Variants in GDE1 observed in about 807,000 individuals in gnomAD.
GDE1 encodes the protein glycerophosphodiester phosphodiesterase 1, also known as RGS16-interacting membrane protein.
A neutral mutation model predicts 32.2 loss-of-function variants in GDE1; 24 were observed. The ratio of observed to expected loss-of-function variants is 0.75; its 90% CI spans 0.54 to 1.05. The LOEUF (loss-of-function observed/expected upper bound fraction) is 1.05, where lower values mean the gene tolerates loss of function less well. Among genes scored for constraint, GDE1 ranks in the 50% least tolerant of loss-of-function variants. The pLI is 0.00. For synonymous variants in GDE1, 159 were observed against 158.6 expected (o/e 1.00, Z -0.02); for missense variants, 380 against 415.0 (o/e 0.92, Z 0.73).
At chr16:19,504,661 T>C (rs952660606) in intron 5 of GDE1, 15 of 491,016 alleles carry the variant, frequency 3.1e-5, no homozygotes, top group South Asian at 2.1e-4. Context: ...TTCTTCAAAA[T>C]ACACTAAAAA....
In GDE1 at chr16:19,503,456, C is replaced by A. The variant is rs778448691; in HGVS notation, c.*14G>T. ...CTGGCAGTTTCTGAACCCGTTTCGT[C>A]CCACCGTGAAAGTCTAGAAGTGAGG... On this transcript the variant is annotated 3_prime_UTR_variant, in exon 6 of 6. Transcript: ENST00000353258. 4.3e-6 allele frequency: 7 copies of A among 1,612,020 alleles called. No individual in the cohort carries two copies. In the South Asian group the frequency reaches 6.6e-5, roughly 15 times the overall value.
intron 4 of GDE1, among the ~76,000 whole-genome samples, chr16:19,506,348 G>T (rs1351473733): frequency 1.3e-5 from 2 of 152,042 alleles, no homozygotes; most frequent in East Asian, 3.9e-4. Flanking sequence ...GACAGAACCT[G>T]CAAGTTTTAA....
Position 19,504,955 on chromosome 16 carries a change from A to G in GDE1, c.774T>C (p.Asp258=). The change falls in exon 5 of 6, where the codon GAT becomes GAC. Residue 258 remains aspartate, a synonymous_variant. Coordinates refer to ENST00000353258, the MANE Select transcript of GDE1 (RefSeq NM_016641.4). The part of the protein sequence containing the change: ...FIFVMMDILL[D]WSMHNILWYL... ...ACCACAAGATATTATGCATGCTCCA[A>G]TCGAGCAAAATGTCCATCATAACAA... 5 of 1,613,338 alleles carry G rather than the reference A, an allele frequency of 3.1e-6. No individual in the cohort carries two copies. The highest frequency in any genetic ancestry group is 1.1e-5 in the South Asian group (1 of 91,056).
chr16:19,505,478 G>C (rs960956855), intron 4 of GDE1, among the ~76,000 whole-genome samples: 5 of 152,094 alleles, frequency 3.3e-5, no homozygotes, highest in African/African-American at 1.2e-4. Flanking sequence ...GTTCAAGATG[G>C]GCTGTTTAGT....
At chr16:19,503,673 C>A in intron 5 of GDE1, 56 bp from the exon 6 acceptor site, 1 of 1,427,140 alleles carries the variant, frequency 7.0e-7, no homozygotes, top group Non-Finnish European at 9.8e-7. Flanking sequence ...TCTCAGGAAT[C>A]CATAATGGCC....
At chr16:19,510,229 T>C (rs937261574) in intron 3 of GDE1, among the ~76,000 whole-genome samples, 1 of 152,124 alleles carries the variant, frequency 6.6e-6, no homozygotes, top group African/African-American at 2.4e-5. Context: ...TTAAGCAAAA[T>C]TTTATCTAGG....
At chr16:19,517,889 C>CT (rs564282570) in intron 1 of GDE1, among the ~76,000 whole-genome samples, 9,641 of 141,024 alleles carry the variant, frequency 0.068, 342 homozygotes, top group East Asian at 0.14. Context: ...AGATTTCTTT[C>CT]TTTTTTTTTT....
intron 2 of GDE1, among the ~76,000 whole-genome samples, chr16:19,514,285 T>G (rs988128828): frequency 6.6e-6 from 1 of 152,138 alleles, no homozygotes; most frequent in Non-Finnish European, 1.5e-5. Flanking sequence ...GGGTGAGGTA[T>G]GGGGAAAGGG....
chr16:19,509,058 T>C (rs1235613778), intron 3 of GDE1, among the ~76,000 whole-genome samples: 2 of 152,170 alleles, frequency 1.3e-5, no homozygotes, highest in Non-Finnish European at 2.9e-5. Flanking sequence ...TCCCAGCACT[T>C]TGGGAGGCCA....
At chr16:19,511,736 T>G (rs961478317) in intron 2 of GDE1, among the ~76,000 whole-genome samples, 2 of 152,144 alleles carry the variant, frequency 1.3e-5, no homozygotes, top group African/African-American at 4.8e-5. Context: ...CTTCCCAGCC[T>G]CTGGTAACTA....
chr16:19,521,716 C>G lies in GDE1; in HGVS notation c.249G>C (p.Ala83=). ...GTGGGGGTCTCACCTGCCGAATGGC[C>G]GCCAGCGTGTTCTCGGGCGCGTCGT... ...GSHDAPENTL[A]AIRQAAKNGA... Residue 83 remains alanine, a synonymous_variant, in exon 1 of 6, where the codon GCG becomes GCC. Coordinates refer to ENST00000353258, the MANE Select transcript of GDE1 (RefSeq NM_016641.4). 4.3e-6 allele frequency: 7 copies of G among 1,611,862 alleles called. No homozygotes were observed. The highest frequency in any genetic ancestry group is 5.9e-6 in the Non-Finnish European group (7 of 1,179,426).
Position 19,503,224 on chromosome 16 carries a change from C to A in GDE1, c.*246G>T. On this transcript the variant is annotated 3_prime_UTR_variant, in exon 6 of 6. Coordinates refer to ENST00000353258, the MANE Select transcript of GDE1 (RefSeq NM_016641.4). ...CCTGTGTGCCTCAGCTAGGGCAGGGCAGGGGCTCTTGTGCGTTTTTTCAGA... is the reference window on the plus strand; with the variant it reads ...CCTGTGTGCCTCAGCTAGGGCAGGGAAGGGGCTCTTGTGCGTTTTTTCAGA... The A allele has an allele frequency of 2.0e-6, 1 of 501,104 alleles. No homozygotes were observed. The highest frequency in any genetic ancestry group is 3.6e-6 in the Non-Finnish European group (1 of 277,898). 31.0% of individuals were successfully genotyped at this position (501,104 alleles called of 1,614,324 possible).
chr16:19,507,603 G>A (rs920171196), intron 4 of GDE1, 84 bp downstream of exon 4: 11 of 748,062 alleles, frequency 1.5e-5, no homozygotes, highest in African/African-American at 1.2e-4. Flanking sequence ...CAATTTAATA[G>A]GCATCTATCC....
intron 1 of GDE1, among the ~76,000 whole-genome samples, chr16:19,520,624 C>T (rs746173350): frequency 6.6e-6 from 1 of 151,334 alleles, no homozygotes; most frequent in Non-Finnish European, 1.5e-5. Context: ...ACTCCGGAGG[C>T]TGAGGCACGA....
chr16:19,516,669 T>A (rs1969384340), intron 2 of GDE1, among the ~76,000 whole-genome samples: 1 of 152,222 alleles, frequency 6.6e-6, no homozygotes, highest in South Asian at 2.1e-4. Flanking sequence ...TAAAATGTGA[T>A]ATTATAATGT....
Position 19,505,040 on chromosome 16 carries a change from C to T in GDE1, c.689G>A (p.Ser230Asn), listed in dbSNP as rs972788447. Residue 230 changes from serine to asparagine, a missense_variant, in exon 5 of 6, where the codon AGC becomes AAC. Transcript: ENST00000353258. ...TTTCCCATCTCCTGTATGGCTTAGG[C>T]TCCAAGGTCTGTGAGTTAATGCTGT... ...VITALTHRPWSLSHTGDGKPR... is the reference protein window; with the variant it reads ...VITALTHRPWNLSHTGDGKPR... 3.7e-6 allele frequency: 6 copies of T among 1,613,310 alleles called. No homozygotes were observed. The highest frequency in any genetic ancestry group is 1.3e-5 in the African/African-American group (1 of 75,038).
chr16:19,519,539 A>G (rs1418469275), intron 1 of GDE1, among the ~76,000 whole-genome samples: 1 of 152,070 alleles, frequency 6.6e-6, no homozygotes, highest in African/African-American at 2.4e-5. Context: ...CTGGGAAACC[A>G]AAAAATTTGT....
Position 19,503,301 on chromosome 16 carries a change from G to A in GDE1, c.*169C>T. The A allele has an allele frequency of 1.6e-6, 1 of 629,492 alleles. No homozygotes were observed. The allele number at this position is 629,492 out of a possible 1,614,324, so 39.0% of individuals were successfully genotyped here. Reference sequence around the variant, plus strand: ...GAACTCTGGCATGCCATGGTGCATGGTGGCAACACCGGGTTTAGCTTTGGT... The same window carrying A: ...GAACTCTGGCATGCCATGGTGCATGATGGCAACACCGGGTTTAGCTTTGGT... On this transcript the variant is annotated 3_prime_UTR_variant, in exon 6 of 6. Transcript: ENST00000353258.
At chr16:19,519,796 C>A (rs1209399982) in intron 1 of GDE1, among the ~76,000 whole-genome samples, 1 of 152,104 alleles carries the variant, frequency 6.6e-6, no homozygotes, top group South Asian at 2.1e-4. Flanking sequence ...CACTTGAGGT[C>A]AGGAGTTTGA....
Sources: gnomAD v4.1 joint callset for allele counts (sites outside exome capture counted in the v4.1 genomes callset) on GRCh38, gnomAD v4.1.1 for gene constraint, MANE v1.5 for transcripts, NCBI Gene and HGNC (gene_info 2026-07-23, HGNC 2026-07-21) for gene names.